Variants in PIK3C2A observed in about 807,000 individuals in gnomAD.
PIK3C2A encodes phosphatidylinositol 4-phosphate 3-kinase C2 domain-containing subunit alpha.
A neutral mutation model predicts 204.5 loss-of-function variants in PIK3C2A; 97 were observed. The observed-to-expected ratio is 0.47, with a 90% CI of 0.40 to 0.56. The LOEUF (loss-of-function observed/expected upper bound fraction) is 0.56, where lower values mean the gene tolerates loss of function less well. Among genes scored for constraint, PIK3C2A ranks in the 20% least tolerant of loss-of-function variants. The pLI, the probability that PIK3C2A is intolerant of heterozygous loss-of-function variation, is 0.00. For missense variants in PIK3C2A, 1,735 were observed against 1,969.2 expected, an observed-to-expected ratio of 0.88 and a Z score of 2.25; for synonymous variants, 653 against 664.4, an observed-to-expected ratio of 0.98 and a Z score of 0.26.
chr11:17,206,574 G>C (rs1325388878), intron 1 of PIK3C2A, among the ~76,000 whole-genome samples: 1 of 149,598 alleles, frequency 6.7e-6, no homozygotes, highest in Non-Finnish European at 1.5e-5. Context: ...GACACAGTGA[G>C]ACCCCATGTC....
chr11:17,162,551 C>T (rs781627507), intron 2 of PIK3C2A, among the ~76,000 whole-genome samples: 14 of 152,170 alleles, frequency 9.2e-5, no homozygotes, highest in Non-Finnish European at 1.9e-4. Flanking sequence ...AAACTGTAAC[C>T]TACTCTTGTG....
intron 8 of PIK3C2A, among the ~76,000 whole-genome samples, chr11:17,141,005 G>A (rs1158707981): frequency 6.6e-6 from 1 of 152,028 alleles, no homozygotes; most frequent in East Asian, 1.9e-4. Flanking sequence ...GGTCCCCAGT[G>A]GGGAACATAA....
At chr11:17,115,843 C>G (rs534485600) in intron 19 of PIK3C2A, 1 of 152,094 alleles carries the variant, frequency 6.6e-6, no homozygotes, top group Non-Finnish European at 1.5e-5. Flanking sequence ...GGTGCTAAGA[C>G]AACTGGATAA....
chr11:17,124,239 T>C (rs1268667279), intron 13 of PIK3C2A, among the ~76,000 whole-genome samples: 2 of 152,152 alleles, frequency 1.3e-5, no homozygotes, highest in African/African-American at 4.8e-5. Context: ...TATTATTTCA[T>C]CTACAAATAC....
chr11:17,185,094 A>C (rs1043334934), intron 1 of PIK3C2A, among the ~76,000 whole-genome samples: 12 of 152,152 alleles, frequency 7.9e-5, no homozygotes, highest in African/African-American at 2.9e-4. Flanking sequence ...CACCCAGAGC[A>C]ATTTCCAGTC....
rs550624949 is a variant in PIK3C2A, at chr11:17,138,347, A to G, written c.1705-1722T>C. 1.9e-4 allele frequency: 86 copies of G among 452,412 alleles called. 2 individuals are homozygous for G. The South Asian group carries it at 2.0e-3, about 10-fold the overall frequency. The allele number at this position is 452,412 out of a possible 1,614,324, so 28.0% of individuals were successfully genotyped here. ...TTCCTTTTTTTTTTTTTTTTAATTC[A>G]GTGTGAGAGCTGAGTAGTCCTCAAA... On this transcript the variant is annotated intron_variant, in intron 8 of 32. Transcript: ENST00000691414.
intron 3 of PIK3C2A, among the ~76,000 whole-genome samples, chr11:17,151,254 A>G (rs1850418016): frequency 6.6e-6 from 1 of 152,226 alleles, no homozygotes; most frequent in Non-Finnish European, 1.5e-5. Flanking sequence ...AACACAGTTC[A>G]AAATTAAATA....
intron 2 of PIK3C2A, among the ~76,000 whole-genome samples, chr11:17,167,299 C>T (rs906325748): frequency 6.6e-6 from 1 of 152,132 alleles, no homozygotes; most frequent in Non-Finnish European, 1.5e-5. Context: ...ATTTCTCTTC[C>T]TTCCAGACAT....
At chr11:17,093,179 T>C (rs1336280311) in intron 28 of PIK3C2A, among the ~76,000 whole-genome samples, 4 of 152,236 alleles carry the variant, frequency 2.6e-5, no homozygotes, top group Non-Finnish European at 2.9e-5. Flanking sequence ...GGAAATCTAC[T>C]GGTCATTGAG....
chr11:17,162,058 G>A (rs1301750491), intron 2 of PIK3C2A, among the ~76,000 whole-genome samples: 4 of 152,092 alleles, frequency 2.6e-5, no homozygotes, highest in Admixed American at 6.5e-5. Context: ...ATTCTGGGCC[G>A]GGCGCAGTGG....
chr11:17,179,025 CCG>C (rs1851442092), intron 1 of PIK3C2A, among the ~76,000 whole-genome samples: 5 of 120 alleles, frequency 0.042, no homozygotes, highest in African/African-American at 0.083. Context: ...CACCGCGCCC[CCG>C]CTGATTTTTG....
Position 17,097,886 on chromosome 11 carries a change from C to T in PIK3C2A, c.4119-622G>A, listed in dbSNP as rs113806957. Among the ~76,000 whole-genome samples, 303 of 152,228 alleles carry T rather than the reference C, an allele frequency of 2.0e-3. 1 individual carries two copies. The highest frequency in any genetic ancestry group is 7.0e-3 in the African/African-American group (289 of 41,548). ...GCTGAGATTGCGCCACTGCACTCCA[C>T]ACTGGGTGCTGGAGTGAGACTGTCT... On this transcript the variant is annotated intron_variant, in intron 26 of 32. Coordinates refer to ENST00000691414, the MANE Select transcript of PIK3C2A (RefSeq NM_002645.4).
chr11:17,131,807 A>G (rs1319485801), intron 12 of PIK3C2A, 109 bp downstream of exon 12: 1 of 831,528 alleles, frequency 1.2e-6, no homozygotes. Context: ...GTCAGAAGTT[A>G]ATGAATTTCA....
intron 2 of PIK3C2A, among the ~76,000 whole-genome samples, chr11:17,160,081 T>C (rs1346677269): frequency 6.6e-6 from 1 of 152,194 alleles, no homozygotes; most frequent in East Asian, 1.9e-4. Flanking sequence ...TCTGATCAGA[T>C]ATCTGGACAC....
intron 1 of PIK3C2A, among the ~76,000 whole-genome samples, chr11:17,186,146 T>C (rs560218751): frequency 6.6e-6 from 1 of 152,290 alleles, no homozygotes; most frequent in Admixed American, 6.6e-5. Context: ...GACTAGACTG[T>C]TCCGCTGAAT....
chr11:17,163,914 A>AT (rs987580167), intron 2 of PIK3C2A, among the ~76,000 whole-genome samples: 3 of 151,826 alleles, frequency 2.0e-5, no homozygotes, highest in African/African-American at 7.2e-5. Flanking sequence ...ACCTTAAAAA[A>AT]AAAAAAAAAG....
chr11:17,112,846 T>C (rs1849044667), intron 20 of PIK3C2A, among the ~76,000 whole-genome samples, 180 bp from the exon 21 acceptor site: 1 of 151,162 alleles, frequency 6.6e-6, no homozygotes, highest in Non-Finnish European at 1.5e-5. Context: ...AATGCAGTGA[T>C]GCAACCATAG....
rs35017690 is a variant in PIK3C2A, at chr11:17,135,677, A to ATG, written c.1849-520_1849-519dup. On this transcript the variant is annotated intron_variant, in intron 9 of 32. Coordinates refer to ENST00000691414, the MANE Select transcript of PIK3C2A (RefSeq NM_002645.4). The stretch of plus-strand genomic sequence containing the variant: ...TGATCACCTTCAAGTAATTTCATAT[A>ATG]TGTGTGTGTGTGTGTGTGTGTGTGT... 1.2e-3 allele frequency among the ~76,000 whole-genome samples: 184 copies of ATG among 147,502 alleles called. 1 individual carries two copies. Among genetic ancestry groups the ATG allele is most frequent in the East Asian group, 4.7e-3 (23 of 4,942 alleles).
chr11:17,135,440 G>C (rs1292997357), intron 9 of PIK3C2A, among the ~76,000 whole-genome samples: 1 of 152,032 alleles, frequency 6.6e-6, no homozygotes, highest in Non-Finnish European at 1.5e-5. Context: ...GAAGTGACAA[G>C]TACAGTATTT....
Sources: allele counts gnomAD v4.1 joint callset (sites outside exome capture counted in the v4.1 genomes callset), GRCh38; gene constraint gnomAD v4.1.1; transcripts MANE v1.5; gene names NCBI Gene and HGNC (gene_info 2026-07-23, HGNC 2026-07-21).